TBC1D8B: variants seen among roughly 807,000 people sequenced by gnomAD.
TBC1D8B encodes the protein TBC1 domain family member 8B.
A neutral mutation model predicts 82.9 loss-of-function variants in TBC1D8B; 75 were observed. The ratio of observed to expected loss-of-function variants is 0.90; its 90% confidence interval spans 0.75 to 1.10. The LOEUF (loss-of-function observed/expected upper bound fraction) is 1.10, where lower values mean the gene tolerates loss of function less well. TBC1D8B is among the 50% of genes least tolerant of loss of function. The probability of loss-of-function intolerance (pLI) is 0.00; values close to 1 mark genes in which losing one functional copy is unlikely to be tolerated. For missense variants in TBC1D8B, 794 were observed against 796.9 expected (o/e 1.00, Z 0.04); for synonymous variants, 276 against 276.8 (o/e 1.00, Z 0.03).
intron 14 of TBC1D8B, among the ~76,000 whole-genome samples, chrX:106,861,404 T>C (rs1002877990): frequency 1.8e-5 from 2 of 112,108 alleles, no homozygotes; most frequent in Admixed American, 1.9e-4. Context: ...ATCTGAGTGC[T>C]CCTGTGTTGA....
chrX:106,845,314 T>C (rs995070546), intron 10 of TBC1D8B, among the ~76,000 whole-genome samples: 2 of 110,986 alleles, frequency 1.8e-5, no homozygotes, highest in Non-Finnish European at 3.8e-5. Flanking sequence ...TTTTTTTAAT[T>C]ATATTTTAAG....
At chrX:106,816,024 C>G (rs941286938) in intron 1 of TBC1D8B, among the ~76,000 whole-genome samples, 1 of 111,349 alleles carries the variant, frequency 9.0e-6, no homozygotes, top group Admixed American at 9.6e-5. Flanking sequence ...CCTCTCTCAC[C>G]AGTCCTGTTC....
chrX:106,821,535 T>G (rs935608149), intron 3 of TBC1D8B, among the ~76,000 whole-genome samples: 4 of 111,675 alleles, frequency 3.6e-5, no homozygotes, highest in African/African-American at 1.3e-4. Context: ...ATATGATATA[T>G]GTACCTGTAT....
At chrX:106,829,193 A>T (rs1931953588) in intron 7 of TBC1D8B, 1 of 107,468 alleles carries the variant, frequency 9.3e-6, no homozygotes, top group South Asian at 4.0e-4. Flanking sequence ...CCCATTCACA[A>T]TTGCTTCAAA....
At chrX:106,830,987 TAGAG>T (rs1932032716) in intron 7 of TBC1D8B, among the ~76,000 whole-genome samples, 1 of 107,769 alleles carries the variant, frequency 9.3e-6, no homozygotes, top group Admixed American at 9.8e-5. Context: ...AATAAAATAT[TAGAG>T]AGGACAAGGA....
Position 106,826,191 on chromosome X carries a change from C to G in TBC1D8B, c.989C>G (p.Ala330Gly), listed in dbSNP as rs1162142377. The G allele has an allele frequency of 8.3e-7, 1 of 1,208,961 alleles. No individual in the cohort carries two copies. The highest frequency in any genetic ancestry group is 1.8e-5 in the African/African-American group (1 of 57,138). ...ATCTCAGAAAATTATATCTGCTTTGCTAGCCAAGATGGCAATCAGTGTAGT... is the reference window on the plus strand; with the variant it reads ...ATCTCAGAAAATTATATCTGCTTTGGTAGCCAAGATGGCAATCAGTGTAGT... ...MCISENYICF[A>G]SQDGNQCSVI... Residue 330 changes from alanine (A) to glycine (G), a missense_variant, in exon 6 of 21, where the codon GCT becomes GGT. Ala to Gly is a moderately conservative substitution (Grantham distance 60). Coordinates refer to ENST00000357242, the MANE Select transcript of TBC1D8B (RefSeq NM_017752.3).
intron 20 of TBC1D8B, 34 bp from the exon 21 acceptor site, chrX:106,873,536 T>C (rs1932864140): frequency 6.9e-6 from 8 of 1,159,727 alleles, no homozygotes; most frequent in Non-Finnish European, 9.2e-6. Context: ...AAGTCTAATA[T>C]TCAAACGTGA....
chrX:106,818,876 A>G, intron 2 of TBC1D8B, 103 bp downstream of exon 2: 2 of 591,620 alleles, frequency 3.4e-6, no homozygotes, highest in South Asian at 3.9e-5. Context: ...ATTTAAAAAC[A>G]AATTAAATGT....
intron 1 of TBC1D8B, among the ~76,000 whole-genome samples, chrX:106,816,202 C>G (rs1931537318): frequency 8.9e-6 from 1 of 111,767 alleles, no homozygotes; most frequent in Non-Finnish European, 1.9e-5. Flanking sequence ...TGATAAGCAA[C>G]TTTAGCAGAG....
intron 5 of TBC1D8B, among the ~76,000 whole-genome samples, chrX:106,825,256 A>G (rs968518057): frequency 4.5e-5 from 5 of 112,106 alleles, no homozygotes; most frequent in Admixed American, 9.5e-5. Context: ...TTTAAATAGT[A>G]TATGCAGGAA....
chrX:106,841,606 C>T (rs1366469549), intron 10 of TBC1D8B, among the ~76,000 whole-genome samples: 1 of 111,480 alleles, frequency 9.0e-6, no homozygotes, highest in Admixed American at 9.5e-5. Context: ...TAGGAGCACA[C>T]AATCAATTAG....
intron 9 of TBC1D8B, 139 bp from the exon 10 acceptor site, chrX:106,840,531 C>G: frequency 1.8e-6 from 1 of 565,619 alleles, no homozygotes. Flanking sequence ...TAGTGTAAAG[C>G]TCTTTTCTGT....
intron 9 of TBC1D8B, 32 bp from the exon 10 acceptor site, chrX:106,840,635 CCTT>C (rs1168009345): frequency 1.8e-6 from 2 of 1,127,047 alleles, no homozygotes; most frequent in South Asian, 3.7e-5. Flanking sequence ...ATTATATCCA[CCTT>C]CTGTTGTATG....
intron 10 of TBC1D8B, among the ~76,000 whole-genome samples, chrX:106,841,841 G>A (rs774406551): frequency 6.7e-4 from 75 of 111,711 alleles, no homozygotes; most frequent in Non-Finnish European, 1.3e-3. Context: ...AACAGGGAAA[G>A]AGCATGGAGA....
chrX:106,864,073 G>A (rs760042294), intron 14 of TBC1D8B, among the ~76,000 whole-genome samples: 17 of 111,597 alleles, frequency 1.5e-4, no homozygotes, highest in African/African-American at 4.9e-4. Context: ...GGGCTGTGGC[G>A]CTGGTGTTGG....
chrX:106,822,221 T>C lies in TBC1D8B; in HGVS notation c.586+19T>C, dbSNP rs775315451. Reference sequence around the variant, plus strand: ...TCAGAAAGTAAGTGGTTTCTATTGCTTACTATGGCCTTGAATTTGCTGTCT... The same window carrying C: ...TCAGAAAGTAAGTGGTTTCTATTGCCTACTATGGCCTTGAATTTGCTGTCT... On this transcript the variant is annotated intron_variant, in intron 4 of 20. Coordinates refer to ENST00000357242, the MANE Select transcript of TBC1D8B (RefSeq NM_017752.3). 13 of 1,146,665 alleles carry C rather than the reference T, an allele frequency of 1.1e-5. No individual in the cohort carries two copies. In the African/African-American group the frequency reaches 2.0e-4, roughly 18 times the overall value. The allele number at this position is 1,146,665 out of a possible 1,213,427, so 94.5% of individuals were successfully genotyped here. A position where few individuals can be genotyped will look rare whatever the true frequency, so the allele number is the denominator to read the frequency against.
At chrX:106,868,145 GA>G (rs1221753745) in intron 17 of TBC1D8B, among the ~76,000 whole-genome samples, 17 of 108,442 alleles carry the variant, frequency 1.6e-4, no homozygotes, top group Non-Finnish European at 2.3e-4. Context: ...AAACAAGTAG[GA>G]AAAAAATAGA....
At chrX:106,804,787 A>G (rs1308891451) in intron 1 of TBC1D8B, among the ~76,000 whole-genome samples, 4 of 110,119 alleles carry the variant, frequency 3.6e-5, no homozygotes, top group African/African-American at 6.6e-5. Flanking sequence ...TACTTGAGAG[A>G]CTGAAATGGG....
At chrX:106,811,186 C>T (rs1195416373) in intron 1 of TBC1D8B, among the ~76,000 whole-genome samples, 3 of 110,691 alleles carry the variant, frequency 2.7e-5, no homozygotes, top group Non-Finnish European at 5.7e-5. Flanking sequence ...TGATATGCCC[C>T]TTTTTCCCCC....
Sources: gnomAD v4.1 joint callset for allele counts (sites outside exome capture counted in the v4.1 genomes callset) on GRCh38, gnomAD v4.1.1 for gene constraint, MANE v1.5 for transcripts, NCBI Gene and HGNC (gene_info 2026-07-23, HGNC 2026-07-21) for gene names.